NELL1: variants seen among roughly 807,000 people sequenced by gnomAD.
NELL1 encodes the protein neural EGFL like 1.
Under a neutral mutation model 107.4 loss-of-function variants are expected in NELL1, and 76 were observed. The ratio of observed to expected loss-of-function variants is 0.71; its 90% CI spans 0.59 to 0.86. NELL1 has a LOEUF of 0.86. Among genes scored for constraint, NELL1 ranks in the 40% least tolerant of loss-of-function variants. The pLI is 0.00. For missense variants in NELL1, 1,024 were observed against 1,005.5 expected, an observed-to-expected ratio of 1.02 and a Z score of -0.25; for synonymous variants, 353 against 341.2, an observed-to-expected ratio of 1.03 and a Z score of -0.38.
intron 12 of NELL1, among the ~76,000 whole-genome samples, chr11:21,023,678 G>A (rs984311906): frequency 6.6e-6 from 1 of 152,028 alleles, no homozygotes; most frequent in African/African-American, 2.4e-5. Context: ...AAAGTAGGCA[G>A]TGTGCAGCCC....
chr11:20,812,007 CT>C (rs1397958707), intron 3 of NELL1, among the ~76,000 whole-genome samples: 1 of 152,122 alleles, frequency 6.6e-6, no homozygotes, highest in African/African-American at 2.4e-5. Flanking sequence ...TCCAGATTAT[CT>C]TGTTCCAGAT....
chr11:20,720,500 C>G lies in NELL1; in HGVS notation c.184+42440C>G, dbSNP rs1156310678. Reference sequence around the variant, plus strand: ...GGGATTACAGACATGAGCCACTGTGCCCAGCCTCTTTTCTGTTCTTATCTT... The same window carrying G: ...GGGATTACAGACATGAGCCACTGTGGCCAGCCTCTTTTCTGTTCTTATCTT... On this transcript the variant is annotated intron_variant, in intron 2 of 19. Transcript: ENST00000357134. Among the ~76,000 whole-genome samples the G allele has an allele frequency of 5.3e-5, 8 of 152,258 alleles. No homozygotes were observed. In the East Asian group the frequency reaches 1.5e-3, roughly 29 times the overall value.
chr11:21,007,953 G>A (rs1415583081), intron 12 of NELL1, among the ~76,000 whole-genome samples: 2 of 152,086 alleles, frequency 1.3e-5, no homozygotes, highest in African/African-American at 4.8e-5. Flanking sequence ...GAAGCTTTCT[G>A]TGATTTGTCC....
intron 2 of NELL1, among the ~76,000 whole-genome samples, chr11:20,696,501 A>C (rs1235095965): frequency 6.6e-6 from 1 of 152,064 alleles, no homozygotes; most frequent in Non-Finnish European, 1.5e-5. Context: ...GATATATTTA[A>C]CATTATTGCC....
chr11:21,176,625 A>T (rs1856718399), intron 13 of NELL1, among the ~76,000 whole-genome samples: 1 of 151,890 alleles, frequency 6.6e-6, no homozygotes, highest in South Asian at 2.1e-4. Flanking sequence ...AATTAAGGGA[A>T]AAACTGAAGG....
intron 2 of NELL1, among the ~76,000 whole-genome samples, chr11:20,721,202 A>C (rs936735878): frequency 7.4e-6 from 1 of 134,634 alleles, no homozygotes; most frequent in Non-Finnish European, 1.5e-5. Flanking sequence ...TATATAGTGT[A>C]TATATATATT....
chr11:20,782,295 T>A (rs965889893), intron 2 of NELL1, among the ~76,000 whole-genome samples: 6 of 152,056 alleles, frequency 3.9e-5, no homozygotes, highest in Non-Finnish European at 2.9e-5. Context: ...TGCAGGTAGG[T>A]TTTATACTGG....
chr11:21,227,209 A>G (rs768609794), intron 13 of NELL1, among the ~76,000 whole-genome samples: 9 of 152,172 alleles, frequency 5.9e-5, no homozygotes, highest in Non-Finnish European at 8.8e-5. Context: ...CTTCCCTCCA[A>G]TGAACTCTCA....
intron 12 of NELL1, among the ~76,000 whole-genome samples, chr11:21,095,422 G>A (rs1285309690): frequency 6.6e-6 from 1 of 152,044 alleles, no homozygotes; most frequent in Admixed American, 6.5e-5. Flanking sequence ...ACATTTTTGG[G>A]TATCTTTTCA....
At chr11:20,848,797 G>T (rs1421881763) in intron 4 of NELL1, among the ~76,000 whole-genome samples, 1 of 152,194 alleles carries the variant, frequency 6.6e-6, no homozygotes, top group Non-Finnish European at 1.5e-5. Context: ...TAGCTCTGCA[G>T]TCTCTTTTAG....
At chr11:21,246,682 C>A (rs1858501037) in intron 14 of NELL1, among the ~76,000 whole-genome samples, 1 of 152,068 alleles carries the variant, frequency 6.6e-6, no homozygotes, top group Admixed American at 6.6e-5. Flanking sequence ...ATTTGTCTAT[C>A]TGAACATATT....
chr11:21,234,045 T>C (rs1858134782), intron 14 of NELL1, among the ~76,000 whole-genome samples: 1 of 152,118 alleles, frequency 6.6e-6, no homozygotes, highest in Admixed American at 6.5e-5. Context: ...ATTTACAAAA[T>C]GGTATTATCT....
intron 2 of NELL1, among the ~76,000 whole-genome samples, chr11:20,702,658 G>T (rs1590217516): frequency 6.6e-6 from 1 of 152,086 alleles, no homozygotes; most frequent in South Asian, 2.1e-4. Flanking sequence ...GTCATAAAAA[G>T]CTCTTATTAT....
At chr11:21,243,225 A>C (rs956785107) in intron 14 of NELL1, among the ~76,000 whole-genome samples, 3 of 152,212 alleles carry the variant, frequency 2.0e-5, no homozygotes, top group African/African-American at 7.2e-5. Flanking sequence ...GGAATAATGA[A>C]CGAATCTAAG....
chr11:21,294,984 T>G (rs1849344312), intron 14 of NELL1, among the ~76,000 whole-genome samples: 1 of 152,222 alleles, frequency 6.6e-6, no homozygotes, highest in Admixed American at 6.6e-5. Flanking sequence ...AGAATGAGAA[T>G]CCACATCTTC....
At chr11:21,245,978 A>G (rs1029098359) in intron 14 of NELL1, among the ~76,000 whole-genome samples, 2 of 152,140 alleles carry the variant, frequency 1.3e-5, no homozygotes, top group African/African-American at 4.8e-5. Flanking sequence ...AGTGACAGCA[A>G]TCATCTGGTC....
At chr11:21,009,743 G>T (rs949852114) in intron 12 of NELL1, among the ~76,000 whole-genome samples, 1 of 152,090 alleles carries the variant, frequency 6.6e-6, no homozygotes, top group Non-Finnish European at 1.5e-5. Flanking sequence ...TGTCAGGCAG[G>T]TCAGACATTT....
At chr11:20,747,943 G>A (rs190847791) in intron 2 of NELL1, among the ~76,000 whole-genome samples, 4 of 152,136 alleles carry the variant, frequency 2.6e-5, no homozygotes, top group African/African-American at 9.7e-5. Context: ...AAGCTGGCTG[G>A]GGAGGTGGGG....
At chr11:21,418,869 G>A (rs542654069) in intron 15 of NELL1, among the ~76,000 whole-genome samples, 1 of 152,212 alleles carries the variant, frequency 6.6e-6, no homozygotes, top group South Asian at 2.1e-4. Context: ...AAGAGGTTTA[G>A]AGCACACTTG....
Sources: gnomAD v4.1 joint callset for allele counts (sites outside exome capture counted in the v4.1 genomes callset) on GRCh38, gnomAD v4.1.1 for gene constraint, MANE v1.5 for transcripts, NCBI Gene and HGNC (gene_info 2026-07-23, HGNC 2026-07-21) for gene names.